Variants in NTNG1 observed in about 807,000 individuals in gnomAD.
NTNG1 encodes the protein netrin G1, also known as netrin-G1.
NTNG1 carries 16 observed loss-of-function variants against 54.0 expected under a neutral mutation model. The ratio of observed to expected loss-of-function variants is 0.30; its 90% CI spans 0.20 to 0.45. NTNG1 has a LOEUF of 0.45. NTNG1 is among the 20% of genes least tolerant of loss of function. NTNG1 has a pLI of 1.00. For missense variants in NTNG1, 530 were observed against 678.7 expected, an observed-to-expected ratio of 0.78 and a Z score of 2.43; for synonymous variants, 255 against 263.1, an observed-to-expected ratio of 0.97 and a Z score of 0.30.
At chr1:107,177,927 A>G (rs894621616) in intron 2 of NTNG1, among the ~76,000 whole-genome samples, 3 of 152,194 alleles carry the variant, frequency 2.0e-5, no homozygotes, top group African/African-American at 7.2e-5. Flanking sequence ...GAGGGACTAG[A>G]GACCCAATTG....
intron 7 of NTNG1, among the ~76,000 whole-genome samples, chr1:107,473,631 C>T (rs975779055): frequency 1.3e-5 from 2 of 152,190 alleles, no homozygotes; most frequent in Non-Finnish European, 2.9e-5. Flanking sequence ...ATCCCTGTGT[C>T]GCTCCTCATC....
intron 2 of NTNG1, among the ~76,000 whole-genome samples, chr1:107,235,134 A>G (rs1456147240): frequency 2.0e-5 from 3 of 152,188 alleles, no homozygotes; most frequent in Non-Finnish European, 2.9e-5. Context: ...ATAAATGACA[A>G]TAGGGGAGCT....
chr1:107,363,107 AC>A (rs1670390896), intron 3 of NTNG1, among the ~76,000 whole-genome samples: 3 of 152,250 alleles, frequency 2.0e-5, no homozygotes, highest in Non-Finnish European at 2.9e-5. Flanking sequence ...TCAAAGAATT[AC>A]AGGCAGGTTT....
chr1:107,204,074 T>A (rs187101893), intron 2 of NTNG1, among the ~76,000 whole-genome samples: 1 of 152,168 alleles, frequency 6.6e-6, no homozygotes, highest in East Asian at 1.9e-4. Context: ...TCTGTATCTT[T>A]TTGAAAATCC....
intron 1 of NTNG1, among the ~76,000 whole-genome samples, chr1:107,142,357 A>G (rs1653794720): frequency 6.7e-6 from 1 of 150,312 alleles, no homozygotes. Context: ...CTGTCATCTT[A>G]CAGGGCAAGG....
At chr1:107,292,004 A>C (rs1234290002) in intron 2 of NTNG1, among the ~76,000 whole-genome samples, 2 of 152,130 alleles carry the variant, frequency 1.3e-5, no homozygotes, top group Non-Finnish European at 2.9e-5. Context: ...AAGTAAAGGC[A>C]AAGGGCTTAA....
At chr1:107,176,081 T>C (rs1434464071) in intron 2 of NTNG1, among the ~76,000 whole-genome samples, 1 of 152,128 alleles carries the variant, frequency 6.6e-6, no homozygotes, top group Non-Finnish European at 1.5e-5. Context: ...AGGGAACATA[T>C]GGGTAGTTGA....
intron 2 of NTNG1, among the ~76,000 whole-genome samples, chr1:107,305,003 T>C (rs1666590156): frequency 6.6e-6 from 1 of 152,180 alleles, no homozygotes; most frequent in Non-Finnish European, 1.5e-5. Flanking sequence ...TTTCTGTTCC[T>C]GTGTTAGTTT....
chr1:107,416,175 A>G (rs759128693), intron 5 of NTNG1, among the ~76,000 whole-genome samples: 21 of 152,138 alleles, frequency 1.4e-4, no homozygotes, highest in Non-Finnish European at 2.9e-4. Context: ...TTTCCTCCCA[A>G]GGAAGGCAGA....
chr1:107,143,382 A>T (rs1041870121), intron 1 of NTNG1: 2 of 152,118 alleles, frequency 1.3e-5, no homozygotes, highest in African/African-American at 4.8e-5. Flanking sequence ...GCAAATACCT[A>T]TTTTTGCTTC....
intron 5 of NTNG1, among the ~76,000 whole-genome samples, chr1:107,417,072 A>G (rs1287695927): frequency 6.6e-6 from 1 of 152,108 alleles, no homozygotes; most frequent in Non-Finnish European, 1.5e-5. Flanking sequence ...TTAATTCAAT[A>G]TCTACCATTC....
At chr1:107,278,488 A>G (rs1245312206) in intron 2 of NTNG1, among the ~76,000 whole-genome samples, 1 of 152,124 alleles carries the variant, frequency 6.6e-6, no homozygotes, top group Non-Finnish European at 1.5e-5. Flanking sequence ...TGTGTTTATT[A>G]CTTTTTAAAA....
At chr1:107,196,479 G>A (rs77061510) in intron 2 of NTNG1, among the ~76,000 whole-genome samples, 1,623 of 152,118 alleles carry the variant, frequency 0.011, 31 homozygotes, top group African/African-American at 0.037. Context: ...CTTATCCCAT[G>A]GAAGTTGAGG....
rs1283111622 is a variant in NTNG1 at position 107,196,877 on chromosome 1, A to T, written c.246+48038A>T. Among the ~76,000 whole-genome samples, 5 of 151,748 alleles carry T rather than the reference A, an allele frequency of 3.3e-5. No individual in the cohort carries two copies. The East Asian group carries it at 9.7e-4, about 29-fold the overall frequency. On this transcript the variant is annotated intron_variant, in intron 2 of 7. Coordinates refer to ENST00000370068, the MANE Select transcript of NTNG1 (RefSeq NM_001113226.3). ...TGCATTCTCCCAAATATCAGCTCTA[A>T]TGTCATATTTTTCTATAATAGTGTC...
intron 5 of NTNG1, among the ~76,000 whole-genome samples, chr1:107,424,640 T>C (rs1212601433): frequency 6.6e-6 from 1 of 151,976 alleles, no homozygotes; most frequent in Non-Finnish European, 1.5e-5. Context: ...GTTGGAGGAA[T>C]GGAATAGTCA....
intron 2 of NTNG1, among the ~76,000 whole-genome samples, chr1:107,195,372 A>ATTTC (rs1160508411): frequency 1.3e-5 from 2 of 151,816 alleles, no homozygotes; most frequent in Admixed American, 1.3e-4. Context: ...GCTGCAATGG[A>ATTTC]TTTCTGTTTG....
chr1:107,451,626 G>T (rs17532072), intron 7 of NTNG1, among the ~76,000 whole-genome samples: 12,167 of 152,092 alleles, frequency 0.08, 564 homozygotes, highest in Non-Finnish European at 0.11. Context: ...TGTATTAGTC[G>T]TTGCAGCTAG....
intron 7 of NTNG1, among the ~76,000 whole-genome samples, chr1:107,449,990 A>G (rs1676527034): frequency 6.6e-6 from 1 of 152,114 alleles, no homozygotes; most frequent in South Asian, 2.1e-4. Context: ...GTAGAAAGCA[A>G]GTAGGTATAA....
chr1:107,344,724 CT>C (rs1455013925), intron 3 of NTNG1, among the ~76,000 whole-genome samples: 8 of 152,084 alleles, frequency 5.3e-5, no homozygotes, highest in Non-Finnish European at 7.4e-5. Context: ...CCCTTAATAC[CT>C]TTTTTATACT....
Sources: allele counts gnomAD v4.1 joint callset (sites outside exome capture counted in the v4.1 genomes callset), GRCh38; gene constraint gnomAD v4.1.1; transcripts MANE v1.5; gene names NCBI Gene and HGNC (gene_info 2026-07-23, HGNC 2026-07-21).